GPC6: variants seen among roughly 807,000 people sequenced by gnomAD.
GPC6 encodes the protein glypican 6, also known as glypican-6.
GPC6 carries 14 observed loss-of-function variants against 55.2 expected under a neutral mutation model. The ratio of observed to expected loss-of-function variants is 0.25; its 90% CI spans 0.17 to 0.40. GPC6 has a LOEUF of 0.40. GPC6 is among the 10% of genes least tolerant of loss of function. The pLI is 1.00. For missense variants in GPC6, 641 were observed against 708.5 expected, an observed-to-expected ratio of 0.90 and a Z score of 1.08; for synonymous variants, 278 against 259.6, an observed-to-expected ratio of 1.07 and a Z score of -0.68.
At chr13:94,325,304 T>A (rs1442794038) in intron 6 of GPC6, among the ~76,000 whole-genome samples, 1 of 152,158 alleles carries the variant, frequency 6.6e-6, no homozygotes, top group African/African-American at 2.4e-5. Flanking sequence ...TCATTTGTGC[T>A]CACTCCAAGG....
intron 4 of GPC6, among the ~76,000 whole-genome samples, chr13:94,061,967 G>T (rs146362843): frequency 2.9e-4 from 44 of 152,152 alleles, no homozygotes; most frequent in Non-Finnish European, 4.7e-4. Flanking sequence ...GGCAAATCTC[G>T]ATTCTCTTAC....
intron 4 of GPC6, among the ~76,000 whole-genome samples, chr13:94,066,583 A>G (rs1884525474): frequency 6.6e-6 from 1 of 152,204 alleles, no homozygotes; most frequent in South Asian, 2.1e-4. Context: ...TACTCAATCT[A>G]AAGATAACGT....
At chr13:94,000,603 C>G (rs974085898) in intron 3 of GPC6, among the ~76,000 whole-genome samples, 2 of 152,020 alleles carry the variant, frequency 1.3e-5, no homozygotes, top group African/African-American at 4.8e-5. Context: ...TTAGAGATGA[C>G]AGAAAGACTA....
intron 3 of GPC6, among the ~76,000 whole-genome samples, chr13:93,889,980 A>T (rs1470857818): frequency 6.6e-6 from 1 of 152,152 alleles, no homozygotes; most frequent in Non-Finnish European, 1.5e-5. Flanking sequence ...TCAAAAAAAA[A>T]TTCTACGCAG....
At chr13:93,439,093 G>A (rs563907009) in intron 1 of GPC6, among the ~76,000 whole-genome samples, 23 of 152,190 alleles carry the variant, frequency 1.5e-4, no homozygotes, top group Admixed American at 7.9e-4. Flanking sequence ...TAGACATAAC[G>A]CTATTGCACA....
chr13:93,645,534 T>G (rs1880135903), intron 2 of GPC6, among the ~76,000 whole-genome samples: 5 of 152,160 alleles, frequency 3.3e-5, no homozygotes, highest in Non-Finnish European at 4.4e-5. Flanking sequence ...CATTTCTATG[T>G]GAACATGCCT....
At chr13:94,242,129 T>C (rs1469975402) in intron 4 of GPC6, among the ~76,000 whole-genome samples, 1 of 151,888 alleles carries the variant, frequency 6.6e-6, no homozygotes, top group Non-Finnish European at 1.5e-5. Flanking sequence ...CCAAGTGTTC[T>C]CATTATTCAA....
At chr13:94,076,604 G>A (rs1884923078) in intron 4 of GPC6, among the ~76,000 whole-genome samples, 1 of 151,850 alleles carries the variant, frequency 6.6e-6, no homozygotes, top group African/African-American at 2.4e-5. Flanking sequence ...AGTTGTTTTA[G>A]AGTTTCAGGT....
chr13:93,376,977 C>T (rs929970607), intron 1 of GPC6, among the ~76,000 whole-genome samples: 1 of 152,016 alleles, frequency 6.6e-6, no homozygotes, highest in Non-Finnish European at 1.5e-5. Context: ...GATTTTTGTC[C>T]TTTCTTTTTC....
At chr13:93,475,173 C>A (rs1183340332) in intron 1 of GPC6, among the ~76,000 whole-genome samples, 2 of 151,982 alleles carry the variant, frequency 1.3e-5, no homozygotes, top group Non-Finnish European at 2.9e-5. Flanking sequence ...CACACACACA[C>A]ACACACAAAC....
At chr13:94,337,598 C>T (rs953143112) in intron 6 of GPC6, among the ~76,000 whole-genome samples, 3 of 87,570 alleles carry the variant, frequency 3.4e-5, no homozygotes, top group Non-Finnish European at 8.6e-5. Flanking sequence ...CAGGTGTGCA[C>T]CACCACATCT....
In GPC6 at chr13:94,330,918, A is replaced by G. The variant is rs377751044; in HGVS notation, c.1152+24795A>G. 6.5e-4 allele frequency among the ~76,000 whole-genome samples: 99 copies of G among 152,068 alleles called. 1 individual carries two copies. In the South Asian group the frequency reaches 0.02, roughly 31 times the overall value. On this transcript the variant is annotated intron_variant, in intron 6 of 8. Coordinates refer to ENST00000377047, the MANE Select transcript of GPC6 (RefSeq NM_005708.5). ...GTTTTCTTAAGAGGCTGATTGTTAC[A>G]TTGATATAACCATATAAGACTGTTC... is the stretch of plus-strand genomic sequence containing the variant.
chr13:94,046,832 T>C (rs1594692936), intron 4 of GPC6, among the ~76,000 whole-genome samples: 1 of 152,256 alleles, frequency 6.6e-6, no homozygotes, highest in South Asian at 2.1e-4. Flanking sequence ...TCTTGTCTCA[T>C]TAGTTAAAAG....
chr13:93,502,053 G>T (rs944889856), intron 1 of GPC6, among the ~76,000 whole-genome samples: 1 of 152,060 alleles, frequency 6.6e-6, no homozygotes, highest in Non-Finnish European at 1.5e-5. Context: ...TCAATCTAAA[G>T]TAATAGACCC....
In GPC6 at chr13:94,114,423, G is replaced by A. The variant is rs141911880; in HGVS notation, c.877+86529G>A. ...GCTCATTGTAAGGAAGCAGGCGGGG[G>A]TATATTCAACAGGAAACAGTTTTCC... On this transcript the variant is annotated intron_variant, in intron 4 of 8. Coordinates refer to ENST00000377047, the MANE Select transcript of GPC6 (RefSeq NM_005708.5). 3.3e-5 allele frequency among the ~76,000 whole-genome samples: 5 copies of A among 152,196 alleles called. No individual in the cohort carries two copies. In the East Asian group the frequency reaches 9.7e-4, roughly 29 times the overall value.
At chr13:93,666,827 G>A (rs1448042177) in intron 2 of GPC6, among the ~76,000 whole-genome samples, 1 of 152,080 alleles carries the variant, frequency 6.6e-6, no homozygotes, top group Admixed American at 6.6e-5. Context: ...CCAACAGAAA[G>A]TGCCAGCACA....
rs186354538 is a variant in GPC6 at position 93,561,538 on chromosome 13, G to C, written c.319+16117G>C. 9.9e-5 allele frequency among the ~76,000 whole-genome samples: 15 copies of C among 151,540 alleles called. No homozygotes were observed. In the East Asian group the frequency reaches 1.4e-3, roughly 14 times the overall value. ...TATTTCACATCCGCTAATAGGGCTG[G>C]TATTGGGAAACAGTGCCAAATATAC... On this transcript the variant is annotated intron_variant, in intron 2 of 8. Transcript: ENST00000377047.
intron 2 of GPC6, among the ~76,000 whole-genome samples, chr13:93,722,524 T>C (rs1883488773): frequency 6.6e-6 from 1 of 151,832 alleles, no homozygotes; most frequent in East Asian, 1.9e-4. Context: ...AATTTGTCTG[T>C]TTACCTATCA....
intron 3 of GPC6, among the ~76,000 whole-genome samples, chr13:94,015,503 C>A (rs765054558): frequency 5.3e-5 from 8 of 152,122 alleles, no homozygotes; most frequent in Non-Finnish European, 1.2e-4. Context: ...TCCTTTGATA[C>A]ACAAAAGTTT....
Sources: gnomAD v4.1 joint callset for allele counts (sites outside exome capture counted in the v4.1 genomes callset) on GRCh38, gnomAD v4.1.1 for gene constraint, MANE v1.5 for transcripts, NCBI Gene and HGNC (gene_info 2026-07-23, HGNC 2026-07-21) for gene names.